Variants in SNTG2 observed in about 807,000 individuals in gnomAD.
SNTG2 encodes the protein gamma-2-syntrophin.
A neutral mutation model predicts 70.9 loss-of-function variants in SNTG2; 74 were observed. The observed-to-expected ratio is 1.04, with a 90% confidence interval of 0.86 to 1.27. SNTG2 has a LOEUF of 1.27. Among genes scored for constraint, SNTG2 ranks in the 50% most tolerant of loss-of-function variants. SNTG2 has a pLI of 0.00. For synonymous variants in SNTG2, 278 were observed against 273.8 expected, an observed-to-expected ratio of 1.02 and a Z score of -0.15; for missense variants, 717 against 690.7, an observed-to-expected ratio of 1.04 and a Z score of -0.43.
At chr2:1,346,191 A>T (rs1660253986) in intron 16 of SNTG2, among the ~76,000 whole-genome samples, 1 of 100,014 alleles carries the variant, frequency 1.0e-5, no homozygotes, top group African/African-American at 4.2e-5. Context: ...GGGAAGCAGG[A>T]CATGCATAGG....
At chr2:1,179,236 G>A (rs1671696758) in intron 8 of SNTG2, among the ~76,000 whole-genome samples, 1 of 151,568 alleles carries the variant, frequency 6.6e-6, no homozygotes, top group African/African-American at 2.4e-5. Context: ...CAATTTTGTT[G>A]ATCCTTTCAA....
At position 1,097,316 on chromosome 2, in the gene SNTG2, T is replaced by C. The variant is rs903708679; in HGVS notation, c.211-880T>C. Among the ~76,000 whole-genome samples, 10 of 152,216 alleles carry C rather than the reference T, an allele frequency of 6.6e-5. No homozygotes were observed. Among genetic ancestry groups the C allele is most frequent in the Admixed American group, 5.9e-4 (9 of 15,282 alleles). On this transcript the variant is annotated intron_variant, in intron 2 of 16. Coordinates refer to ENST00000308624, the MANE Select transcript of SNTG2 (RefSeq NM_018968.4). This position sits in a 1 kb window ranked among gnomAD's most constrained non-coding sequence, Gnocchi z 4.1. ...GTGGGCTCTGCCACCCTTTTACTTC[T>C]TTGTCCTTGCTTTGCACAGCAGATT...
intron 14 of SNTG2, among the ~76,000 whole-genome samples, chr2:1,307,047 G>GTGTGGTGTA (rs1680713521): frequency 6.6e-6 from 1 of 150,960 alleles, no homozygotes; most frequent in Admixed American, 6.6e-5. Context: ...TGTGTGGTGT[G>GTGTGGTGTA]TGAGCCATGG....
intron 6 of SNTG2, among the ~76,000 whole-genome samples, chr2:1,151,826 C>T (rs889906626): frequency 1.3e-5 from 2 of 152,094 alleles, no homozygotes; most frequent in Admixed American, 6.5e-5. Flanking sequence ...ATCCTCATAG[C>T]GACTGGAGAA....
At chr2:1,225,409 A>C (rs1206550863) in intron 9 of SNTG2, among the ~76,000 whole-genome samples, 3 of 152,216 alleles carry the variant, frequency 2.0e-5, no homozygotes, top group Non-Finnish European at 2.9e-5. Context: ...TATGAAAAGA[A>C]TCAGGATGCT....
chr2:974,275 A>C (rs1163346230), intron 1 of SNTG2, among the ~76,000 whole-genome samples: 4 of 152,236 alleles, frequency 2.6e-5, no homozygotes, highest in African/African-American at 7.2e-5. Flanking sequence ...ATGGCGCTGG[A>C]GAGCTTTGCC....
Position 1,259,420 on chromosome 2 carries a change from G to T in SNTG2, c.1056G>T (p.Glu352Asp), listed in dbSNP as rs1231197526. The change falls in exon 13 of 17, where the codon GAG becomes GAT. Residue 352 changes from glutamate to aspartate, a missense_variant. Coordinates refer to ENST00000308624, the MANE Select transcript of SNTG2 (RefSeq NM_018968.4). Reference sequence around the variant, plus strand: ...CAGAAAGGACCTATCACCTCTGTGAGGTGCTATTTAAAGTTCACAAGGTAG... The same window carrying T: ...CAGAAAGGACCTATCACCTCTGTGATGTGCTATTTAAAGTTCACAAGGTAG... ...VRAERTYHLC[E>D]VLFKVHKFWL... 6.2e-6 allele frequency: 10 copies of T among 1,613,832 alleles called. No individual in the cohort carries two copies. Among genetic ancestry groups the T allele is most frequent in the African/African-American group, 1.3e-5 (1 of 74,930 alleles).
chr2:1,098,124 AT>A, intron 2 of SNTG2, 71 bp from the exon 3 acceptor site: 2 of 1,522,742 alleles, frequency 1.3e-6, no homozygotes, highest in Non-Finnish European at 1.8e-6. Context: ...TAAATGAAGA[AT>A]TTCTTTTGAA....
At chr2:1,367,300 T>G in intron 16 of SNTG2, 43 bp from the exon 17 acceptor site, 1 of 1,488,738 alleles carries the variant, frequency 6.7e-7, no homozygotes, top group Non-Finnish European at 9.0e-7. Context: ...AACGTGTTCT[T>G]CCAACAATTA....
chr2:1,138,785 T>A lies in SNTG2; in HGVS notation c.411+976T>A, dbSNP rs572160642. ...CGAAGATTAATAGGCATGCACTCATTTCTTCTTCAGTGTTTATCTTTTCAA... is the reference window on the plus strand; with the variant it reads ...CGAAGATTAATAGGCATGCACTCATATCTTCTTCAGTGTTTATCTTTTCAA... On this transcript the variant is annotated intron_variant, in intron 6 of 16. Coordinates refer to ENST00000308624, the MANE Select transcript of SNTG2 (RefSeq NM_018968.4). Among the ~76,000 whole-genome samples, 4 of 152,296 alleles carry A rather than the reference T, an allele frequency of 2.6e-5. No individual in the cohort carries two copies. In the East Asian group the frequency reaches 7.7e-4, roughly 29 times the overall value.
intron 8 of SNTG2, among the ~76,000 whole-genome samples, chr2:1,191,194 CT>C (rs1211819902): frequency 6.6e-6 from 1 of 152,152 alleles, no homozygotes; most frequent in Non-Finnish European, 1.5e-5. Flanking sequence ...CAATTTCTCC[CT>C]TATCATATCT....
At chr2:1,053,536 G>A (rs888480173) in intron 1 of SNTG2, among the ~76,000 whole-genome samples, 4 of 128,184 alleles carry the variant, frequency 3.1e-5, no homozygotes, top group Non-Finnish European at 6.1e-5. Flanking sequence ...TCAGTTTCAC[G>A]GAGACGTAAT....
rs1392947749 is a variant in SNTG2 at position 1,237,874 on chromosome 2, C to T, written c.720-14C>T. On this transcript the variant is annotated splice_polypyrimidine_tract_variant and intron_variant, in intron 9 of 16. Coordinates refer to ENST00000308624, the MANE Select transcript of SNTG2 (RefSeq NM_018968.4). ...TCGCTGCGGGGCCTCCTGGACAGCTCTCTCCCTCCCCAGGTGGAATGCGTT... is the reference window on the plus strand; with the variant it reads ...TCGCTGCGGGGCCTCCTGGACAGCTTTCTCCCTCCCCAGGTGGAATGCGTT... 1.3e-6 allele frequency: 2 copies of T among 1,594,034 alleles called. No individual in the cohort carries two copies.
Position 1,174,289 on chromosome 2 carries a change from C to CATAT in SNTG2, c.591+1123_591+1126dup, listed in dbSNP as rs10563978. 8.8e-3 allele frequency among the ~76,000 whole-genome samples: 1,318 copies of CATAT among 149,372 alleles called. 18 individuals are homozygous for CATAT. Among genetic ancestry groups the CATAT allele is most frequent in the African/African-American group, 0.03 (1,221 of 40,826 alleles). Reference sequence around the variant, plus strand: ...TTCTTGATTGAAAAAAAGTTTTATCCATATATATATATATATATATGTAAA... The same window carrying CATAT: ...TTCTTGATTGAAAAAAAGTTTTATCCATATATATATATATATATATATATGTAAA... On this transcript the variant is annotated intron_variant, in intron 8 of 16. Transcript: ENST00000308624.
chr2:1,367,491 G>A lies in SNTG2; in HGVS notation c.*17G>A, dbSNP rs1432060062. 5 of 1,540,670 alleles carry A rather than the reference G, an allele frequency of 3.2e-6. No homozygotes were observed. In the South Asian group the frequency reaches 4.9e-5, roughly 15 times the overall value. ...AGCAGCTAAAGGTTGTTTCTGTTGA[G>A]TGCTGAAAAATTAAATTATTTTCGT... On this transcript the variant is annotated 3_prime_UTR_variant, in exon 17 of 17. Coordinates refer to ENST00000308624, the MANE Select transcript of SNTG2 (RefSeq NM_018968.4).
chr2:1,117,607 A>C (rs1033762028), intron 4 of SNTG2, among the ~76,000 whole-genome samples: 2 of 152,118 alleles, frequency 1.3e-5, no homozygotes, highest in Non-Finnish European at 2.9e-5. Flanking sequence ...CAGGAATCAG[A>C]ACCGAGGCGG....
At chr2:1,011,121 T>G (rs1481493258) in intron 1 of SNTG2, among the ~76,000 whole-genome samples, 1 of 152,228 alleles carries the variant, frequency 6.6e-6, no homozygotes, top group African/African-American at 2.4e-5. Context: ...AAAAACATGA[T>G]CAGCAAGTAT....
chr2:1,277,354 A>C (rs1460125008), intron 14 of SNTG2, among the ~76,000 whole-genome samples: 1 of 152,220 alleles, frequency 6.6e-6, no homozygotes, highest in Non-Finnish European at 1.5e-5. Context: ...CACCATCCGC[A>C]TCAGTCAGCA....
intron 4 of SNTG2, among the ~76,000 whole-genome samples, chr2:1,101,204 C>A (rs1168762265): frequency 6.6e-6 from 1 of 152,198 alleles, no homozygotes; most frequent in African/African-American, 2.4e-5. Context: ...CCAGAGCCTG[C>A]CTGCCTGCCC....
Sources: gnomAD v4.1 joint callset for allele counts (sites outside exome capture counted in the v4.1 genomes callset) on GRCh38, gnomAD v4.1.1 for gene constraint, Gnocchi (gnomAD v3.1) non-coding constraint, MANE v1.5 for transcripts, NCBI Gene and HGNC (gene_info 2026-07-23, HGNC 2026-07-21) for gene names.